Variants in PTPRZ1 observed in about 807,000 individuals in gnomAD.
PTPRZ1 encodes receptor-type tyrosine-protein phosphatase zeta.
PTPRZ1 carries 82 observed loss-of-function variants against 214.1 expected under a neutral mutation model. The observed-to-expected ratio is 0.38, with a 90% CI of 0.32 to 0.46. The LOEUF (loss-of-function observed/expected upper bound fraction) is 0.46, where lower values mean the gene tolerates loss of function less well. Among genes scored for constraint, PTPRZ1 ranks in the 20% least tolerant of loss-of-function variants. The pLI, the probability that PTPRZ1 is intolerant of heterozygous loss-of-function variation, is 1.00. For missense variants in PTPRZ1, 2,603 were observed against 2,748.7 expected (o/e 0.95, Z 1.19); for synonymous variants, 945 against 987.9 (o/e 0.96, Z 0.81).
intron 13 of PTPRZ1, among the ~76,000 whole-genome samples, chr7:122,024,245 T>C (rs1359971436): frequency 6.6e-6 from 1 of 152,028 alleles, no homozygotes; most frequent in African/African-American, 2.4e-5. Flanking sequence ...TTCAAAAGTT[T>C]TTTTTTTTTT....
intron 2 of PTPRZ1, among the ~76,000 whole-genome samples, chr7:121,938,448 C>G (rs1796149219): frequency 6.6e-6 from 1 of 152,190 alleles, no homozygotes; most frequent in Admixed American, 6.5e-5. Context: ...TGGCTTCATC[C>G]AGAGGGAAAA....
In PTPRZ1 at chr7:122,013,170, C is replaced by A; in HGVS notation, c.4124C>A (p.Ala1375Asp). 6.2e-7 allele frequency: 1 copy of A among 1,614,050 alleles called. No homozygotes were observed. Among genetic ancestry groups the A allele is most frequent in the Non-Finnish European group, 8.5e-7 (1 of 1,179,916 alleles). Residue 1375 changes from alanine to aspartate, a missense_variant, in exon 12 of 30, where the codon GCC (alanine) becomes GAC (aspartate). By Grantham distance (126) the Ala-to-Asp change is moderately radical. Around this residue, in one of 6 missense-constraint regions of PTPRZ1, gnomAD observed 1,913 missense variants for 1,914.3 expected, o/e 1.00. Transcript: ENST00000393386. Reference sequence around the variant, plus strand: ...GTTCCTATAGGAAATGGGCATGTTGCCATTACAGCTGTTTCTCCCCACAGA... The same window carrying A: ...GTTCCTATAGGAAATGGGCATGTTGACATTACAGCTGTTTCTCCCCACAGA... ...HSVPIGNGHVAITAVSPHRDG... is the reference protein window; with the variant it reads ...HSVPIGNGHVDITAVSPHRDG...
chr7:121,940,913 C>T (rs530971268), intron 2 of PTPRZ1, among the ~76,000 whole-genome samples: 8 of 152,114 alleles, frequency 5.3e-5, no homozygotes, highest in Non-Finnish European at 8.8e-5. Context: ...TGCTGCTATA[C>T]CAGCCTTTTC....
chr7:121,934,487 CAAAAAAAAAA>C (rs529475632), intron 2 of PTPRZ1, among the ~76,000 whole-genome samples: 2 of 77,064 alleles, frequency 2.6e-5, no homozygotes, highest in East Asian at 3.9e-4. Context: ...GACTCCGTCT[CAAAAAAAAAA>C]AAAAAAAAAA....
chr7:121,917,050 C>G (rs779127993), intron 1 of PTPRZ1, among the ~76,000 whole-genome samples: 1 of 152,174 alleles, frequency 6.6e-6, no homozygotes, highest in African/African-American at 2.4e-5. Flanking sequence ...CCAGCTAGAC[C>G]GTACTTAAGC....
intron 2 of PTPRZ1, among the ~76,000 whole-genome samples, chr7:121,934,205 CTT>C (rs1387883188): frequency 3.3e-5 from 5 of 152,052 alleles, no homozygotes; most frequent in African/African-American, 1.2e-4. Flanking sequence ...ATATTTTCAA[CTT>C]AACGTGAATT....
chr7:122,040,677 T>C, intron 20 of PTPRZ1, 139 bp from the exon 21 acceptor site: 2 of 571,124 alleles, frequency 3.5e-6, no homozygotes, highest in Non-Finnish European at 5.5e-6. Context: ...TCATTCATTA[T>C]GGACCCTCAA....
intron 13 of PTPRZ1, among the ~76,000 whole-genome samples, chr7:122,023,025 G>A (rs1429400548): frequency 6.6e-6 from 1 of 152,096 alleles, no homozygotes; most frequent in Non-Finnish European, 1.5e-5. Context: ...CATACAAAAA[G>A]TCAAATTAAA....
chr7:122,051,749 A>G, intron 24 of PTPRZ1, 117 bp from the exon 25 acceptor site: 1 of 1,015,872 alleles, frequency 9.8e-7, no homozygotes, highest in South Asian at 1.5e-5. Context: ...TTCAACTTGA[A>G]AAATGTAGCT....
chr7:121,921,302 A>G (rs1279459478), intron 1 of PTPRZ1, among the ~76,000 whole-genome samples: 1 of 152,138 alleles, frequency 6.6e-6, no homozygotes, highest in Non-Finnish European at 1.5e-5. Flanking sequence ...CCAACATAGA[A>G]ATTCTCTCTC....
At chr7:121,975,108 G>A (rs112863554) in intron 4 of PTPRZ1, among the ~76,000 whole-genome samples, 2 of 152,184 alleles carry the variant, frequency 1.3e-5, no homozygotes, top group African/African-American at 4.8e-5. Flanking sequence ...GATCACTTAA[G>A]CCCATGAGGT....
At chr7:122,059,948 G>A (rs1243700911) in intron 29 of PTPRZ1, 60 bp downstream of exon 29, 5 of 1,512,104 alleles carry the variant, frequency 3.3e-6, no homozygotes, top group African/African-American at 1.4e-5. Flanking sequence ...ACTTCCTAGA[G>A]GCTGCTGAAA....
intron 8 of PTPRZ1, among the ~76,000 whole-genome samples, chr7:121,994,863 T>C (rs1798086944): frequency 6.6e-6 from 1 of 152,170 alleles, no homozygotes; most frequent in Admixed American, 6.5e-5. Context: ...TAATTTTTCT[T>C]TTATTTCTAA....
chr7:121,954,775 A>T (rs762849986), intron 2 of PTPRZ1, among the ~76,000 whole-genome samples: 1 of 152,258 alleles, frequency 6.6e-6, no homozygotes, highest in Non-Finnish European at 1.5e-5. Flanking sequence ...AACAAATAAA[A>T]GCTGCAATCA....
rs538815742 is a variant in PTPRZ1, at chr7:122,028,463, G to T, written c.4989-89G>T. ...TATACCTGCTTTTGTTTTAATTCTG[G>T]AGATTTCTATCAAAATTTTCAAGCA... On this transcript the variant is annotated intron_variant, in intron 13 of 29. Coordinates refer to ENST00000393386, the MANE Select transcript of PTPRZ1 (RefSeq NM_002851.3). 79 of 950,324 alleles carry T rather than the reference G, an allele frequency of 8.3e-5. No individual in the cohort carries two copies. In the East Asian group the frequency reaches 2.0e-3, roughly 24 times the overall value. The allele number at this position is 950,324 out of a possible 1,614,324, so 58.9% of individuals were successfully genotyped here.
At chr7:121,993,121 CA>C (rs1485871707) in intron 8 of PTPRZ1, among the ~76,000 whole-genome samples, 2 of 152,138 alleles carry the variant, frequency 1.3e-5, no homozygotes, top group Non-Finnish European at 2.9e-5. Flanking sequence ...TCCTCATGAT[CA>C]GGAAAATTAT....
intron 1 of PTPRZ1, among the ~76,000 whole-genome samples, chr7:121,910,344 A>C (rs1795234258): frequency 6.6e-6 from 1 of 152,022 alleles, no homozygotes; most frequent in Admixed American, 6.6e-5. Flanking sequence ...AGTGTTTATC[A>C]CCTTCTTAAA....
At chr7:121,884,250 T>TATA (rs1474539818) in intron 1 of PTPRZ1, among the ~76,000 whole-genome samples, 1 of 152,090 alleles carries the variant, frequency 6.6e-6, no homozygotes, top group Non-Finnish European at 1.5e-5. Context: ...GGTTTATATA[T>TATA]ATAAATACAT....
intron 8 of PTPRZ1, among the ~76,000 whole-genome samples, chr7:121,995,547 T>G (rs1173424430): frequency 6.6e-6 from 1 of 152,222 alleles, no homozygotes; most frequent in East Asian, 1.9e-4. Context: ...ATTTGGGGCA[T>G]GATTCCCAGC....
Sources: gnomAD v4.1 joint callset for allele counts (sites outside exome capture counted in the v4.1 genomes callset) on GRCh38, gnomAD v4.1.1 for gene constraint, gnomAD v4.1.1 regional missense constraint, MANE v1.5 for transcripts, NCBI Gene and HGNC (gene_info 2026-07-23, HGNC 2026-07-21) for gene names.